Variants in DAB1 observed in about 807,000 individuals in gnomAD.
DAB1 encodes the protein DAB adaptor protein 1.
DAB1 carries 15 observed loss-of-function variants against 64.6 expected under a neutral mutation model. The ratio of observed to expected loss-of-function variants is 0.23; its 90% CI spans 0.16 to 0.36. The LOEUF is 0.36. Ranked by LOEUF, DAB1 falls within the 10% of genes least tolerant of loss-of-function variation. The pLI, the probability that DAB1 is intolerant of heterozygous loss-of-function variation, is 1.00. For synonymous variants in DAB1, 235 were observed against 251.9 expected (o/e 0.93, Z 0.64); for missense variants, 596 against 706.7 (o/e 0.84, Z 1.78).
chr1:57,967,555 G>A (rs1645697506), intron 5 of DAB1, among the ~76,000 whole-genome samples: 1 of 152,156 alleles, frequency 6.6e-6, no homozygotes, highest in Non-Finnish European at 1.5e-5. Flanking sequence ...AAGCCCTAGA[G>A]GGACAAGGTG....
intron 5 of DAB1, among the ~76,000 whole-genome samples, chr1:57,895,822 T>C (rs1207329593): frequency 6.6e-6 from 1 of 152,154 alleles, no homozygotes; most frequent in Non-Finnish European, 1.5e-5. Flanking sequence ...CAAACACAAA[T>C]ATGCATACTG....
intron 1 of DAB1, among the ~76,000 whole-genome samples, chr1:57,421,258 C>T (rs1031221660): frequency 1.3e-5 from 2 of 152,146 alleles, no homozygotes; most frequent in African/African-American, 4.8e-5. Flanking sequence ...AATGGTGTGT[C>T]TTGCAAATGA....
intron 2 of DAB1, among the ~76,000 whole-genome samples, chr1:57,244,677 A>G (rs1359609040): frequency 6.6e-6 from 1 of 152,234 alleles, no homozygotes; most frequent in Non-Finnish European, 1.5e-5. Flanking sequence ...TTAACTTTCT[A>G]TAAGTGGCTT....
At chr1:57,554,321 C>T (rs1644962049) in intron 7 of DAB1, among the ~76,000 whole-genome samples, 1 of 152,348 alleles carries the variant, frequency 6.6e-6, no homozygotes, top group Non-Finnish European at 1.5e-5. Flanking sequence ...GCTGTGTAAG[C>T]TGCGAAAGTC....
At chr1:57,866,728 T>A (rs560173584) in intron 1 of DAB1, among the ~76,000 whole-genome samples, 1 of 152,184 alleles carries the variant, frequency 6.6e-6, no homozygotes, top group Non-Finnish European at 1.5e-5. Flanking sequence ...ATGACAGGTA[T>A]TATTTTTAAG....
At chr1:57,938,065 G>C (rs1645053016) in intron 5 of DAB1, among the ~76,000 whole-genome samples, 2 of 152,222 alleles carry the variant, frequency 1.3e-5, no homozygotes, top group East Asian at 1.9e-4. Flanking sequence ...CTTGCACTAA[G>C]CAGAAATAAT....
At chr1:57,571,323 A>T (rs1008893673) in intron 7 of DAB1, among the ~76,000 whole-genome samples, 3 of 152,182 alleles carry the variant, frequency 2.0e-5, no homozygotes, top group African/African-American at 7.2e-5. Context: ...AATCTTAATT[A>T]TGTAATTCAG....
At chr1:57,891,671 T>C (rs1644316539) in intron 5 of DAB1, among the ~76,000 whole-genome samples, 1 of 152,072 alleles carries the variant, frequency 6.6e-6, no homozygotes, top group Non-Finnish European at 1.5e-5. Context: ...TATGAAGCCA[T>C]AAAAAGGATG....
intron 7 of DAB1, among the ~76,000 whole-genome samples, chr1:57,618,832 C>T (rs751265731): frequency 6.6e-6 from 1 of 152,074 alleles, no homozygotes; most frequent in Non-Finnish European, 1.5e-5. Flanking sequence ...CAGCTGAGTA[C>T]AGTGGATAAG....
intron 1 of DAB1, among the ~76,000 whole-genome samples, chr1:57,354,556 A>C (rs1436594739): frequency 1.3e-5 from 2 of 152,108 alleles, no homozygotes; most frequent in Non-Finnish European, 2.9e-5. Context: ...GATGTACGCT[A>C]TACACTTACA....
chr1:57,586,402 G>A (rs910214917), intron 7 of DAB1, among the ~76,000 whole-genome samples: 3 of 152,048 alleles, frequency 2.0e-5, no homozygotes, highest in African/African-American at 7.2e-5. Flanking sequence ...CACTGTTCTG[G>A]ACTCTGAGGG....
At chr1:58,494,206 G>C (rs1471493440) in intron 3 of DAB1, among the ~76,000 whole-genome samples, 2 of 152,128 alleles carry the variant, frequency 1.3e-5, no homozygotes, top group African/African-American at 4.8e-5. Flanking sequence ...GGGAAAACTG[G>C]CTAGCCATAT....
At chr1:57,901,607 C>T (rs552221580) in intron 5 of DAB1, among the ~76,000 whole-genome samples, 25 of 152,178 alleles carry the variant, frequency 1.6e-4, no homozygotes, top group Admixed American at 2.6e-4. Context: ...CAGAGCCTCC[C>T]TAGCCAGCAG....
intron 1 of DAB1, among the ~76,000 whole-genome samples, chr1:58,529,820 A>G (rs890881569): frequency 3.9e-5 from 6 of 152,234 alleles, no homozygotes; most frequent in African/African-American, 1.4e-4. Flanking sequence ...AGTAATCTAG[A>G]GATGATTTAA....
intron 1 of DAB1, chr1:57,873,991 G>A (rs1341317677): frequency 6.6e-6 from 1 of 152,086 alleles, no homozygotes; most frequent in Non-Finnish European, 1.5e-5. Context: ...TTTGACACAA[G>A]TCTCTGGTAC....
chr1:57,885,842 G>GA (rs1320549137), upstream of DAB1, among the ~76,000 whole-genome samples: 1 of 151,614 alleles, frequency 6.6e-6, no homozygotes, highest in Non-Finnish European at 1.5e-5. Flanking sequence ...TTCTTCAAAA[G>GA]AAAAAAATGA....
chr1:57,309,633 G>A (rs1674501340), intron 1 of DAB1, among the ~76,000 whole-genome samples: 1 of 152,022 alleles, frequency 6.6e-6, no homozygotes, highest in African/African-American at 2.4e-5. Context: ...CTCAGACACA[G>A]AAGAAGTAAC....
At chr1:57,005,886 T>C (rs1646048573) in intron 14 of DAB1, among the ~76,000 whole-genome samples, 1 of 152,226 alleles carries the variant, frequency 6.6e-6, no homozygotes, top group Non-Finnish European at 1.5e-5. Flanking sequence ...GTGATGCTAG[T>C]AATTTTAAAA....
chr1:58,335,599 G>C (rs1477234628), intron 4 of DAB1, among the ~76,000 whole-genome samples: 1 of 126,066 alleles, frequency 7.9e-6, no homozygotes, highest in Admixed American at 8.9e-5. Flanking sequence ...GGAGGCCAGG[G>C]TGGAAACGGG....
Sources: allele counts gnomAD v4.1 joint callset (sites outside exome capture counted in the v4.1 genomes callset), GRCh38; gene constraint gnomAD v4.1.1; transcripts MANE v1.5; gene names NCBI Gene and HGNC (gene_info 2026-07-23, HGNC 2026-07-21).